The following CTNNA3 variants were observed in gnomAD, a reference collection of about 807,000 sequenced individuals.
CTNNA3 encodes catenin alpha-3.
Under a neutral mutation model 95.7 loss-of-function variants are expected in CTNNA3, and 76 were observed. The observed-to-expected ratio is 0.79, with a 90% CI of 0.66 to 0.96. The LOEUF is 0.96. CTNNA3 is among the 40% of genes least tolerant of loss of function. The pLI is 0.00. For missense variants in CTNNA3, 1,191 were observed against 1,089.8 expected, an observed-to-expected ratio of 1.09 and a Z score of -1.31; for synonymous variants, 431 against 374.4, an observed-to-expected ratio of 1.15 and a Z score of -1.74.
At chr10:67,514,427 C>T (rs1384405423) in intron 5 of CTNNA3, among the ~76,000 whole-genome samples, 2 of 152,146 alleles carry the variant, frequency 1.3e-5, no homozygotes, top group Non-Finnish European at 2.9e-5. Flanking sequence ...AAGTCATAAT[C>T]TTAGTAGTGA....
At chr10:66,117,657 G>C (rs553313358) in intron 13 of CTNNA3, among the ~76,000 whole-genome samples, 1 of 152,150 alleles carries the variant, frequency 6.6e-6, no homozygotes, top group South Asian at 2.1e-4. Flanking sequence ...GAATGTGAAA[G>C]GACCACTAAT....
chr10:67,302,517 T>C (rs750916090), intron 5 of CTNNA3, among the ~76,000 whole-genome samples: 18 of 152,234 alleles, frequency 1.2e-4, no homozygotes, highest in South Asian at 2.1e-4. Context: ...TTTAAAAATG[T>C]AATGTTTATA....
At position 66,189,617 on chromosome 10, in the gene CTNNA3, T is replaced by TATATATATATATATATATATATATAC. The variant is rs151078010; in HGVS notation, c.1885-86369_1885-86368insGTATATATATATATATATATATATAT. Among the ~76,000 whole-genome samples, 303 of 140,332 alleles carry TATATATATATATATATATATATATAC rather than the reference T, an allele frequency of 2.2e-3. 3 individuals carry two copies. The highest frequency in any genetic ancestry group is 7.7e-3 in the African/African-American group (272 of 35,174). The allele number at this position is 140,332 out of a possible 152,430, so 92.1% of individuals were successfully genotyped here. Reference sequence around the variant, plus strand: ...CTATAGATTTATATATATATATATATACACACATACACACACATATACATA... The same window carrying TATATATATATATATATATATATATAC: ...CTATAGATTTATATATATATATATATATATATATATATATATATATATATACACACACATACACACACATATACATA... On this transcript the variant is annotated intron_variant, in intron 13 of 17. Transcript: ENST00000433211.
At chr10:67,314,817 A>T (rs916930390) in intron 5 of CTNNA3, among the ~76,000 whole-genome samples, 1 of 152,202 alleles carries the variant, frequency 6.6e-6, no homozygotes, top group African/African-American at 2.4e-5. Context: ...ATTTTCTATA[A>T]TTATATGTAA....
chr10:66,215,974 C>G (rs72797228), intron 13 of CTNNA3, among the ~76,000 whole-genome samples: 5 of 152,310 alleles, frequency 3.3e-5, no homozygotes, highest in Non-Finnish European at 5.9e-5. Context: ...AACTCTCAAG[C>G]CTCCTGTGCT....
At chr10:66,264,125 A>G (rs2091086045) in intron 13 of CTNNA3, among the ~76,000 whole-genome samples, 1 of 152,004 alleles carries the variant, frequency 6.6e-6, no homozygotes, top group Admixed American at 6.6e-5. Flanking sequence ...TTCCAAAATC[A>G]TATACCCAAT....
rs148017735 is a variant in CTNNA3, at chr10:66,816,914, G to A, written c.1048-41390C>T. 4.3e-3 allele frequency among the ~76,000 whole-genome samples: 652 copies of A among 152,068 alleles called. 5 individuals are homozygous for A. The highest frequency in any genetic ancestry group is 0.014 in the African/African-American group (582 of 41,522). Reference sequence around the variant, plus strand: ...AAATATGTGGAAATTTAAAACAATCGTAAATTGCCAGTTGGACAAGAATAA... The same window carrying A: ...AAATATGTGGAAATTTAAAACAATCATAAATTGCCAGTTGGACAAGAATAA... On this transcript the variant is annotated intron_variant, in intron 7 of 17. Coordinates refer to ENST00000433211, the MANE Select transcript of CTNNA3 (RefSeq NM_013266.4).
chr10:66,151,864 T>G (rs2084216742), intron 13 of CTNNA3, among the ~76,000 whole-genome samples: 1 of 152,028 alleles, frequency 6.6e-6, no homozygotes, highest in Admixed American at 6.6e-5. Flanking sequence ...AAGTTATAGC[T>G]TAATCATTGA....
intron 13 of CTNNA3, among the ~76,000 whole-genome samples, chr10:66,209,708 T>A (rs2088008760): frequency 6.6e-6 from 1 of 152,130 alleles, no homozygotes; most frequent in African/African-American, 2.4e-5. Flanking sequence ...TTTTTTCATA[T>A]TGCCATATTT....
At chr10:66,810,956 G>A (rs1231764821) in intron 7 of CTNNA3, among the ~76,000 whole-genome samples, 2 of 152,036 alleles carry the variant, frequency 1.3e-5, no homozygotes, top group Non-Finnish European at 2.9e-5. Flanking sequence ...CTACATCCTA[G>A]GTATTAAGCA....
intron 15 of CTNNA3, among the ~76,000 whole-genome samples, chr10:66,065,230 GTT>G (rs66776665): frequency 0.17 from 17,790 of 102,874 alleles, 1,226 homozygotes; most frequent in Non-Finnish European, 0.24. Flanking sequence ...GGTTTAAATG[GTT>G]TTTTTTTGTT....
chr10:67,644,312 G>T (rs995921080), intron 2 of CTNNA3, among the ~76,000 whole-genome samples: 2 of 151,836 alleles, frequency 1.3e-5, no homozygotes, highest in East Asian at 1.9e-4. Context: ...TCATATGTTT[G>T]TTGGCCACAT....
intron 9 of CTNNA3, among the ~76,000 whole-genome samples, chr10:66,685,245 A>G (rs10997301): frequency 1.6e-4 from 22 of 135,988 alleles, no homozygotes; most frequent in African/African-American, 5.6e-4. Flanking sequence ...ATATGTGTGT[A>G]TATATACGTA....
intron 12 of CTNNA3, among the ~76,000 whole-genome samples, chr10:66,331,339 T>C (rs7070355): frequency 0.75 from 79,233 of 106,024 alleles, 29,533 homozygotes; most frequent in Non-Finnish European, 0.8. Context: ...TTCCCCATTG[T>C]TTGTTTTTTT....
chr10:66,309,470 A>C (rs1039455330), intron 12 of CTNNA3, among the ~76,000 whole-genome samples: 1 of 151,808 alleles, frequency 6.6e-6, no homozygotes, highest in Non-Finnish European at 1.5e-5. Context: ...AGGCGGGCAG[A>C]TCACGAGGTC....
At chr10:66,741,209 C>T (rs1003006266) in intron 9 of CTNNA3, among the ~76,000 whole-genome samples, 1 of 152,106 alleles carries the variant, frequency 6.6e-6, no homozygotes, top group East Asian at 1.9e-4. Flanking sequence ...GGCACTTGAA[C>T]TGAAAGTAAA....
chr10:66,203,663 A>C (rs1041359611), intron 13 of CTNNA3, among the ~76,000 whole-genome samples: 6 of 152,068 alleles, frequency 3.9e-5, no homozygotes, highest in African/African-American at 1.4e-4. Flanking sequence ...TAAAGGAGAA[A>C]ATTTTATTAA....
intron 3 of CTNNA3, among the ~76,000 whole-genome samples, chr10:67,560,554 C>T (rs141520333): frequency 0.017 from 2,518 of 152,248 alleles, 75 homozygotes; most frequent in African/African-American, 0.055. Context: ...TAAACACCAT[C>T]GAGGCTAGGA....
chr10:67,722,244 G>T (rs75001330), intron 1 of CTNNA3, among the ~76,000 whole-genome samples: 1 of 152,164 alleles, frequency 6.6e-6, no homozygotes, highest in Non-Finnish European at 1.5e-5. Context: ...CTGACTATTA[G>T]TTTGGGAATA....
Sources: allele counts gnomAD v4.1 joint callset (sites outside exome capture counted in the v4.1 genomes callset), GRCh38; gene constraint gnomAD v4.1.1; transcripts MANE v1.5; gene names NCBI Gene and HGNC (gene_info 2026-07-23, HGNC 2026-07-21).